The following POU6F1 variants were observed in gnomAD, a reference collection of about 807,000 sequenced individuals.
The protein encoded by POU6F1 is POU class 6 homeobox 1.
A neutral mutation model predicts 28.9 loss-of-function variants in POU6F1; 9 were observed. The observed-to-expected ratio is 0.31, with a 90% CI of 0.19 to 0.54. POU6F1 has a LOEUF of 0.54. Among genes scored for constraint, POU6F1 ranks in the 20% least tolerant of loss-of-function variants. The pLI is 0.94. For synonymous variants in POU6F1, 173 were observed against 171.1 expected (o/e 1.01, Z -0.09); for missense variants, 338 against 426.1 (o/e 0.79, Z 1.82).
At chr12:51,195,221 A>G (rs1054638320) in intron 8 of POU6F1, among the ~76,000 whole-genome samples, 1 of 152,122 alleles carries the variant, frequency 6.6e-6, no homozygotes, top group Non-Finnish European at 1.5e-5. Flanking sequence ...TGCAGCCTTG[A>G]ACTCTTGGCC....
At chr12:51,204,863 A>G (rs1382688090) in intron 2 of POU6F1, among the ~76,000 whole-genome samples, 1 of 152,090 alleles carries the variant, frequency 6.6e-6, no homozygotes, top group Non-Finnish European at 1.5e-5. Flanking sequence ...AGGGATGGAA[A>G]ATGAATGCTC....
At chr12:51,214,828 G>A (rs142711064) in intron 1 of POU6F1, among the ~76,000 whole-genome samples, 8 of 151,696 alleles carry the variant, frequency 5.3e-5, no homozygotes, top group Non-Finnish European at 1.2e-4. Flanking sequence ...GTGTGGTGGC[G>A]CAGGCCTGTA....
intron 3 of POU6F1, 148 bp downstream of exon 3, chr12:51,204,025 T>G (rs1362976991): frequency 2.5e-6 from 1 of 397,394 alleles, no homozygotes; most frequent in Non-Finnish European, 4.4e-6. Context: ...CCCTCGCAGC[T>G]GACCAGAGGC....
chr12:51,199,968 G>A lies in POU6F1; in HGVS notation c.245-100C>T, dbSNP rs957542077. On this transcript the variant is annotated intron_variant, in intron 3 of 10. Transcript: ENST00000333640. This position sits in a 1 kb window ranked among gnomAD's most constrained non-coding sequence, Gnocchi z 4.1. ...TGACATCCCATCTGCAGCCTGAAGC[G>A]GGGACCCTCAGCCCCATGCTGCATT... 3 of 398,736 alleles carry A rather than the reference G, an allele frequency of 7.5e-6. No individual in the cohort carries two copies. Among genetic ancestry groups the A allele is most frequent in the Admixed American group, 4.4e-5 (1 of 22,694 alleles). The allele number at this position is 398,736 out of a possible 1,614,324, so 24.7% of individuals were successfully genotyped here. A position where few individuals can be genotyped will look rare whatever the true frequency, so the allele number is the denominator to read the frequency against.
intron 1 of POU6F1, among the ~76,000 whole-genome samples, chr12:51,209,456 TCA>T (rs1943842730): frequency 6.6e-6 from 1 of 152,262 alleles, no homozygotes; most frequent in Non-Finnish European, 1.5e-5. Flanking sequence ...GTAGCATGTG[TCA>T]GAACTTCATT....
chr12:51,206,475 C>CA (rs199769786), intron 2 of POU6F1, among the ~76,000 whole-genome samples: 1,631 of 113,606 alleles, frequency 0.014, 15 homozygotes, highest in South Asian at 0.037. Context: ...TAGTAATTTG[C>CA]AAAAAAAAAA....
At chr12:51,210,142 T>G (rs1357326670) in intron 1 of POU6F1, among the ~76,000 whole-genome samples, 1 of 152,126 alleles carries the variant, frequency 6.6e-6, no homozygotes, top group African/African-American at 2.4e-5. Flanking sequence ...TTGGTAGATA[T>G]GAGGTCTCAC....
At chr12:51,214,265 C>T (rs1944174224) in intron 1 of POU6F1, among the ~76,000 whole-genome samples, 1 of 152,284 alleles carries the variant, frequency 6.6e-6, no homozygotes, top group South Asian at 2.1e-4. Context: ...CTTAGCATGA[C>T]TCTTACCACA....
At chr12:51,211,802 G>A (rs1944003236) in intron 1 of POU6F1, among the ~76,000 whole-genome samples, 1 of 152,100 alleles carries the variant, frequency 6.6e-6, no homozygotes, top group Non-Finnish European at 1.5e-5. Flanking sequence ...GCAGCCTCAG[G>A]GGTAGAAGGA....
intron 5 of POU6F1, 91 bp from the exon 6 acceptor site, chr12:51,198,114 G>C: frequency 2.5e-6 from 1 of 398,482 alleles, no homozygotes; most frequent in Non-Finnish European, 4.4e-6. Context: ...AAGAAGGAGA[G>C]GGGGTTGGGG....
In POU6F1 at chr12:51,196,696, C is replaced by T. The variant is rs142099216; in HGVS notation, c.975+103G>A. The T allele has an allele frequency of 5.1e-3, 7,009 of 1,372,712 alleles. 25 individuals carry two copies. The highest frequency in any genetic ancestry group is 6.2e-3 in the Non-Finnish European group (6,110 of 980,630). 85.0% of individuals were successfully genotyped at this position (1,372,712 alleles called of 1,614,324 possible). On this transcript the variant is annotated intron_variant, in intron 7 of 10. Transcript: ENST00000333640. ...AGAGGAGATAGGAACAACAGCTTGA[C>T]GTCTGTTCGAGTTTCTATGACCCAC... is the stretch of plus-strand genomic sequence containing the variant.
At chr12:51,206,734 C>T (rs796348792) in intron 2 of POU6F1, 55 bp downstream of exon 2, 18 of 398,596 alleles carry the variant, frequency 4.5e-5, no homozygotes, top group African/African-American at 3.5e-4. Context: ...TCCTCTGTTG[C>T]CCACACCCCT....
In POU6F1 at chr12:51,189,268, A is replaced by T. The variant is rs1942240335; in HGVS notation, c.*979T>A. 6.6e-6 allele frequency: 1 copy of T among 152,102 alleles called. No individual in the cohort carries two copies. The highest frequency in any genetic ancestry group is 1.5e-5 in the Non-Finnish European group (1 of 68,018). The allele number at this position is 152,102 out of a possible 1,614,324, so 9.4% of individuals were successfully genotyped here. On this transcript the variant is annotated 3_prime_UTR_variant, in exon 11 of 11. Transcript: ENST00000333640. ...TATTGTTTAATTTGCTCCTTTTGAG[A>T]AGGCCCCAGTATTGGGTTGGGAATG...
rs540037245 is a variant in POU6F1 at position 51,204,266 on chromosome 12, C to T, written c.151G>A (p.Ala51Thr). The T allele has an allele frequency of 1.1e-4, 45 of 399,098 alleles. No individual in the cohort carries two copies. Among genetic ancestry groups the T allele is most frequent in the African/African-American group, 6.4e-4 (31 of 48,736 alleles). The allele number at this position is 399,098 out of a possible 1,614,324, so 24.7% of individuals were successfully genotyped here. The stretch of plus-strand genomic sequence containing the variant: ...GGGTCTCCGCTCTGGGAGCCCTCGG[C>T]GGCCACACCCTCCAGTCCTTTGCTC... The part of the protein sequence containing the change: ...EESKGLEGVA[A>T]EGSQSGDPAE... Residue 51 changes from alanine (A) to threonine (T), a missense_variant, in exon 3 of 11, where the codon GCC (alanine) becomes ACC (threonine). Ala to Thr is a moderately conservative substitution (Grantham distance 58). Coordinates refer to ENST00000333640, the MANE Select transcript of POU6F1 (RefSeq NM_001330422.2).
chr12:51,209,615 C>T (rs1425258080), intron 1 of POU6F1, among the ~76,000 whole-genome samples: 1 of 152,082 alleles, frequency 6.6e-6, no homozygotes, highest in Non-Finnish European at 1.5e-5. Context: ...TTTTTGAACA[C>T]CTGCTTCCAA....
Position 51,190,572 on chromosome 12 carries a change from G to A in POU6F1, c.1511C>T (p.Thr504Ile). ...AICRFEKLDI[T>I]PKSAQKLKPV... ...CTTTAGCTTCTGGGCACTCTTGGGT[G>A]TGATGTCTAGCTTCTCGAACCTGTG... The change falls in exon 11 of 11, where the codon ACA becomes ATA. Residue 504 changes from threonine (T) to isoleucine (I), a missense_variant. Physicochemically the swap from Thr to Ile is moderately conservative, Grantham distance 89. Coordinates refer to ENST00000333640, the MANE Select transcript of POU6F1 (RefSeq NM_001330422.2). The surrounding 1 kb of genome is among the most constrained non-coding windows in gnomAD (Gnocchi z 4.5). The A allele has an allele frequency of 6.2e-7, 1 of 1,613,632 alleles. No homozygotes were observed. Among genetic ancestry groups the A allele is most frequent in the Non-Finnish European group, 8.5e-7 (1 of 1,179,650 alleles).
In POU6F1 at chr12:51,187,209, C is replaced by T. The variant is rs1221395475; in HGVS notation, c.*3038G>A. ...GGCTGAGTTCTTTCCCTGGACTTCA[C>T]CTGGATAAAATGCCGTGGTAATGCA... On this transcript the variant is annotated 3_prime_UTR_variant, in exon 11 of 11. Transcript: ENST00000333640. 2 of 152,226 alleles carry T rather than the reference C, an allele frequency of 1.3e-5. No homozygotes were observed. Among genetic ancestry groups the T allele is most frequent in the Admixed American group, 6.5e-5 (1 of 15,276 alleles). 9.4% of individuals were successfully genotyped at this position (152,226 alleles called of 1,614,324 possible). A position where few individuals can be genotyped will look rare whatever the true frequency, so the allele number is the denominator to read the frequency against.
intron 2 of POU6F1, among the ~76,000 whole-genome samples, chr12:51,205,716 G>A (rs555373621): frequency 6.6e-6 from 1 of 152,248 alleles, no homozygotes; most frequent in South Asian, 2.1e-4. Flanking sequence ...TATGAGATGA[G>A]TGAAATACAT....
intron 1 of POU6F1, among the ~76,000 whole-genome samples, chr12:51,215,893 A>G (rs1427756209): frequency 6.6e-6 from 1 of 152,254 alleles, no homozygotes; most frequent in Non-Finnish European, 1.5e-5. Context: ...GATAATATTT[A>G]TGGAAGGCAC....
Sources: allele counts gnomAD v4.1 joint callset (sites outside exome capture counted in the v4.1 genomes callset), GRCh38; gene constraint gnomAD v4.1.1; non-coding constraint Gnocchi (gnomAD v3.1); transcripts MANE v1.5; gene names NCBI Gene and HGNC (gene_info 2026-07-23, HGNC 2026-07-21).